PRKN: variants seen among roughly 807,000 people sequenced by gnomAD.
The protein encoded by PRKN is parkin RBR E3 ubiquitin protein ligase.
A neutral mutation model predicts 59.5 loss-of-function variants in PRKN; 56 were observed. The ratio of observed to expected loss-of-function variants is 0.94; its 90% confidence interval spans 0.76 to 1.18. PRKN has a LOEUF of 1.18. PRKN is among the 50% of genes most tolerant of loss of function. PRKN has a pLI of 0.00. For missense variants in PRKN, 657 were observed against 596.4 expected, an observed-to-expected ratio of 1.10 and a Z score of -1.06; for synonymous variants, 250 against 222.1, an observed-to-expected ratio of 1.13 and a Z score of -1.12.
intron 4 of PRKN, among the ~76,000 whole-genome samples, chr6:162,199,466 C>T (rs1784630655): frequency 6.6e-6 from 1 of 152,144 alleles, no homozygotes; most frequent in African/African-American, 2.4e-5. Flanking sequence ...ATTTTTATTG[C>T]CATTTTTACC....
intron 6 of PRKN, among the ~76,000 whole-genome samples, chr6:161,852,484 C>T (rs1380038287): frequency 2.0e-5 from 3 of 152,036 alleles, no homozygotes; most frequent in African/African-American, 7.2e-5. Flanking sequence ...TATGCCATCA[C>T]ACACACACAA....
chr6:162,573,414 C>G (rs1780432271), intron 1 of PRKN, among the ~76,000 whole-genome samples: 2 of 152,146 alleles, frequency 1.3e-5, no homozygotes, highest in Non-Finnish European at 1.5e-5. Context: ...AGATATTGGT[C>G]CCCTTCCTGA....
intron 4 of PRKN, among the ~76,000 whole-genome samples, chr6:162,165,237 A>C (rs557535119): frequency 6.7e-6 from 1 of 149,230 alleles, no homozygotes; most frequent in South Asian, 2.1e-4. Flanking sequence ...GGAAAAAAAA[A>C]TAGGAGAATA....
rs986235711 is a variant in PRKN, at chr6:161,527,852, T to C, written c.1083+21002A>G. 6.6e-6 allele frequency among the ~76,000 whole-genome samples: 1 copy of C among 152,204 alleles called. No homozygotes were observed. Among genetic ancestry groups the C allele is most frequent in the Non-Finnish European group, 1.5e-5 (1 of 68,034 alleles). ...CTGAAGAACCCTTGCGGGAGACTGA[T>C]GGACCTTCACAGACACCGTTTCTCT... On this transcript the variant is annotated intron_variant, in intron 9 of 11. Coordinates refer to ENST00000366898, the MANE Select transcript of PRKN (RefSeq NM_004562.3). This position sits in a 1 kb window ranked among gnomAD's most constrained non-coding sequence, Gnocchi z 4.6.
intron 1 of PRKN, among the ~76,000 whole-genome samples, chr6:162,590,326 G>C (rs1007825832): frequency 6.6e-6 from 1 of 152,082 alleles, no homozygotes; most frequent in African/African-American, 2.4e-5. Flanking sequence ...CAAATGAAAA[G>C]AAAGTATCTG....
intron 6 of PRKN, among the ~76,000 whole-genome samples, chr6:161,939,862 T>G (rs1779493703): frequency 6.6e-6 from 1 of 152,118 alleles, no homozygotes; most frequent in African/African-American, 2.4e-5. Context: ...AATAAACAGT[T>G]TTCTTAGGGG....
chr6:161,594,939 T>C (rs770123125), intron 7 of PRKN, among the ~76,000 whole-genome samples: 32 of 152,208 alleles, frequency 2.1e-4, no homozygotes, highest in Admixed American at 6.5e-4. Context: ...TAAACGAACA[T>C]GGATCAATAC....
At chr6:161,640,808 G>T (rs1582931660) in intron 7 of PRKN, among the ~76,000 whole-genome samples, 1 of 152,168 alleles carries the variant, frequency 6.6e-6, no homozygotes, top group African/African-American at 2.4e-5. Flanking sequence ...AGGTTAGTGT[G>T]ATCAACTGGA....
chr6:162,593,152 TATAA>T (rs1781374398), intron 1 of PRKN, among the ~76,000 whole-genome samples: 2 of 152,232 alleles, frequency 1.3e-5, no homozygotes, highest in South Asian at 4.2e-4. Flanking sequence ...AATTAGGAAG[TATAA>T]GAGCACAGCC....
At chr6:161,681,047 A>G (rs1464480337) in intron 7 of PRKN, among the ~76,000 whole-genome samples, 1 of 151,992 alleles carries the variant, frequency 6.6e-6, no homozygotes, top group South Asian at 2.1e-4. Context: ...TGTAACCTCT[A>G]CCGCCTGGGC....
At chr6:162,674,075 A>C (rs997651669) in intron 1 of PRKN, among the ~76,000 whole-genome samples, 16 of 152,244 alleles carry the variant, frequency 1.1e-4, no homozygotes, top group African/African-American at 3.9e-4. Flanking sequence ...ATGGTGTCAG[A>C]ACACATTAAG....
intron 4 of PRKN, among the ~76,000 whole-genome samples, chr6:162,083,077 C>T (rs1390092794): frequency 6.6e-6 from 1 of 152,040 alleles, no homozygotes; most frequent in Non-Finnish European, 1.5e-5. Flanking sequence ...GCCTCAGCCT[C>T]CCAAGTAGCT....
Position 161,451,453 on chromosome 6 carries a change from T to C in PRKN, c.1084-64576A>G, listed in dbSNP as rs1404138007. ...CCTTGTGCCTGTCACTACACTTCCA[T>C]CAACAGACTCCATCAACAGGAGGCA... On this transcript the variant is annotated intron_variant, in intron 9 of 11. Coordinates refer to ENST00000366898, the MANE Select transcript of PRKN (RefSeq NM_004562.3). This position sits in a 1 kb window ranked among gnomAD's most constrained non-coding sequence, Gnocchi z 5.9. Among the ~76,000 whole-genome samples, 1 of 152,040 alleles carries C rather than the reference T, an allele frequency of 6.6e-6. No homozygotes were observed. The highest frequency in any genetic ancestry group is 1.5e-5 in the Non-Finnish European group (1 of 68,024).
intron 7 of PRKN, among the ~76,000 whole-genome samples, chr6:161,770,613 G>A (rs995056542): frequency 4.9e-4 from 75 of 152,056 alleles, no homozygotes; most frequent in African/African-American, 1.6e-3. Flanking sequence ...GATTACAGGC[G>A]TGCACCACCA....
chr6:161,499,023 T>C lies in PRKN; in HGVS notation c.1083+49831A>G, dbSNP rs78242447. On this transcript the variant is annotated intron_variant, in intron 9 of 11. Coordinates refer to ENST00000366898, the MANE Select transcript of PRKN (RefSeq NM_004562.3). This position sits in a 1 kb window ranked among gnomAD's most constrained non-coding sequence, Gnocchi z 4.2. ...GCAACCTCCGCACATTTCTCAGAAC[T>C]CAGGCTGAAACCCTGTGATCTAGTC... 1.7e-3 allele frequency among the ~76,000 whole-genome samples: 253 copies of C among 152,168 alleles called. 4 individuals carry two copies. In the East Asian group the frequency reaches 0.043, roughly 26 times the overall value.
At chr6:162,652,743 C>T (rs997158980) in intron 1 of PRKN, among the ~76,000 whole-genome samples, 3 of 151,786 alleles carry the variant, frequency 2.0e-5, no homozygotes, top group Non-Finnish European at 4.4e-5. Flanking sequence ...AGTTCAAAAC[C>T]AGCCTGGGCA....
chr6:161,625,654 T>C (rs770067950), intron 7 of PRKN, among the ~76,000 whole-genome samples: 1 of 152,184 alleles, frequency 6.6e-6, no homozygotes, highest in Non-Finnish European at 1.5e-5. Context: ...AGAGGAGCAA[T>C]GTGGCGGCTA....
At chr6:161,976,459 T>C (rs1476557779) in intron 5 of PRKN, among the ~76,000 whole-genome samples, 1 of 152,224 alleles carries the variant, frequency 6.6e-6, no homozygotes, top group East Asian at 1.9e-4. Flanking sequence ...TGTGGAGTCC[T>C]GCCCATGAGT....
At chr6:162,460,158 T>C (rs755110039) in intron 1 of PRKN, among the ~76,000 whole-genome samples, 10 of 152,232 alleles carry the variant, frequency 6.6e-5, no homozygotes, top group African/African-American at 9.6e-5. Flanking sequence ...GTGTTTGTTG[T>C]ATCCATACAT....
Sources: gnomAD v4.1 joint callset for allele counts (sites outside exome capture counted in the v4.1 genomes callset) on GRCh38, gnomAD v4.1.1 for gene constraint, Gnocchi (gnomAD v3.1) non-coding constraint, MANE v1.5 for transcripts, NCBI Gene and HGNC (gene_info 2026-07-23, HGNC 2026-07-21) for gene names.